CTNNA2: variants seen among roughly 807,000 people sequenced by gnomAD.
CTNNA2 encodes the protein catenin alpha-2.
CTNNA2 carries 42 observed loss-of-function variants against 101.0 expected under a neutral mutation model. That is an observed-to-expected ratio of 0.42 (90% CI 0.32 to 0.54). CTNNA2 has a LOEUF of 0.54. Ranked by LOEUF, CTNNA2 falls within the 20% of genes least tolerant of loss-of-function variation. CTNNA2 has a pLI of 0.14. For missense variants in CTNNA2, 871 were observed against 1,223.1 expected (o/e 0.71, Z 4.29); for synonymous variants, 450 against 456.4 (o/e 0.99, Z 0.18).
chr2:80,151,163 G>A, intron 7 of CTNNA2, among the ~76,000 whole-genome samples: 1 of 152,206 alleles, frequency 6.6e-6, no homozygotes, highest in Non-Finnish European at 1.5e-5. Flanking sequence ...AAGCAGCTCA[G>A]AAGCCTATGT....
intron 7 of CTNNA2, among the ~76,000 whole-genome samples, chr2:79,937,259 T>A (rs1383092767): frequency 1.3e-5 from 2 of 152,230 alleles, no homozygotes; most frequent in Non-Finnish European, 2.9e-5. Flanking sequence ...TTTTCTGGCC[T>A]GGCTGGAAGA....
At chr2:80,163,246 A>AT (rs763841965) in intron 7 of CTNNA2, 1 of 755,254 alleles carries the variant, frequency 1.3e-6, no homozygotes. Flanking sequence ...ATATTGATTG[A>AT]TTTTCCAATA....
intron 9 of CTNNA2, among the ~76,000 whole-genome samples, chr2:80,531,075 G>T (rs566330306): frequency 1.7e-4 from 26 of 152,162 alleles, no homozygotes; most frequent in African/African-American, 6.0e-4. Flanking sequence ...GGTTCTGAGG[G>T]CAGGGAGGGA....
chr2:79,494,660 G>A (rs1558681155), intron 4 of CTNNA2, among the ~76,000 whole-genome samples: 1 of 151,842 alleles, frequency 6.6e-6, no homozygotes, highest in Non-Finnish European at 1.5e-5. Context: ...AAGTCAAAAT[G>A]GATTATAGAT....
chr2:79,541,768 A>G (rs947986763), intron 1 of CTNNA2, among the ~76,000 whole-genome samples: 2 of 151,778 alleles, frequency 1.3e-5, no homozygotes, highest in Non-Finnish European at 2.9e-5. Context: ...CTGGGACTAC[A>G]GGTGTGCGCC....
intron 7 of CTNNA2, among the ~76,000 whole-genome samples, chr2:80,214,049 T>C (rs1708089042): frequency 6.6e-6 from 1 of 152,166 alleles, no homozygotes; most frequent in African/African-American, 2.4e-5. Context: ...CTGCTTGTTT[T>C]TGTTTTCCAT....
Position 80,214,107 on chromosome 2 carries a change from T to C in CTNNA2, c.1057-179104T>C, listed in dbSNP as rs139474577. Among the ~76,000 whole-genome samples the C allele has an allele frequency of 5.3e-3, 801 of 152,292 alleles. 5 individuals are homozygous for C. The highest frequency in any genetic ancestry group is 0.018 in the African/African-American group (743 of 41,572). ...TCCCTTTGTTTTGAGCCTATGTGTC[T>C]CTGCACATGAGATGGGTCTCCTGAA... is the stretch of plus-strand genomic sequence containing the variant. On this transcript the variant is annotated intron_variant, in intron 7 of 18. Transcript: ENST00000402739.
chr2:80,167,506 A>G (rs1294868385), intron 7 of CTNNA2, among the ~76,000 whole-genome samples: 1 of 152,220 alleles, frequency 6.6e-6, no homozygotes, highest in Non-Finnish European at 1.5e-5. Flanking sequence ...TTGAAAAAAG[A>G]TACATCATAC....
chr2:79,372,724 C>T (rs1677900778), intron 3 of CTNNA2, among the ~76,000 whole-genome samples: 1 of 152,082 alleles, frequency 6.6e-6, no homozygotes, highest in Non-Finnish European at 1.5e-5. Flanking sequence ...GGTTAAAAAC[C>T]AGAGATCGAC....
intron 2 of CTNNA2, among the ~76,000 whole-genome samples, chr2:79,205,309 C>T (rs1239295115): frequency 1.3e-5 from 2 of 152,184 alleles, no homozygotes; most frequent in Non-Finnish European, 1.5e-5. Context: ...GAAAAAGCTT[C>T]CAAATGATTC....
chr2:79,425,057 A>AG (rs1422153287), intron 4 of CTNNA2, among the ~76,000 whole-genome samples: 6 of 152,218 alleles, frequency 3.9e-5, no homozygotes, highest in African/African-American at 1.2e-4. Flanking sequence ...TGTTAGACAG[A>AG]GGGGAAAAAG....
intron 4 of CTNNA2, among the ~76,000 whole-genome samples, chr2:79,451,690 C>T (rs946372353): frequency 3.3e-5 from 5 of 151,722 alleles, no homozygotes; most frequent in South Asian, 2.1e-4. Flanking sequence ...GACTCTATCT[C>T]ACTCAAAGAT....
chr2:79,253,224 T>G (rs542780607), intron 2 of CTNNA2, among the ~76,000 whole-genome samples: 1 of 152,328 alleles, frequency 6.6e-6, no homozygotes, highest in Non-Finnish European at 1.5e-5. Flanking sequence ...GATGGGATGC[T>G]TCTGCTCCTG....
At chr2:80,148,492 G>A (rs1486098300) in intron 7 of CTNNA2, among the ~76,000 whole-genome samples, 1 of 152,216 alleles carries the variant, frequency 6.6e-6, no homozygotes, top group Non-Finnish European at 1.5e-5. Context: ...ACTGAGGCAG[G>A]AGCTCATGTG....
Position 80,604,199 on chromosome 2 carries a change from T to G in CTNNA2, c.2295+20T>G, listed in dbSNP as rs1181571954. ...GATCAGGTAATAGAAGAGGGAAGGG[T>G]GGGCACATGCTGAGTGGAGTCACTA... On this transcript the variant is annotated intron_variant, in intron 16 of 18. Coordinates refer to ENST00000402739, the MANE Select transcript of CTNNA2 (RefSeq NM_001282597.3). 7 of 1,593,718 alleles carry G rather than the reference T, an allele frequency of 4.4e-6. No individual in the cohort carries two copies. Among genetic ancestry groups the G allele is most frequent in the Non-Finnish European group, 6.0e-6 (7 of 1,163,352 alleles).
At chr2:80,232,500 C>T (rs750475537) in intron 7 of CTNNA2, among the ~76,000 whole-genome samples, 4 of 151,468 alleles carry the variant, frequency 2.6e-5, no homozygotes, top group Admixed American at 6.6e-5. Context: ...GAGTGGCTGA[C>T]TTAGAGGTAA....
At chr2:79,458,672 T>C (rs1021107365) in intron 4 of CTNNA2, among the ~76,000 whole-genome samples, 3 of 152,182 alleles carry the variant, frequency 2.0e-5, no homozygotes, top group Admixed American at 6.5e-5. Flanking sequence ...TAAAAGTTTA[T>C]TGTATATTTG....
At chr2:80,098,491 T>A (rs1020794947) in intron 7 of CTNNA2, among the ~76,000 whole-genome samples, 1 of 152,182 alleles carries the variant, frequency 6.6e-6, no homozygotes, top group Non-Finnish European at 1.5e-5. Context: ...CGTTCTCGGA[T>A]CTCAAGCTGC....
chr2:79,566,343 AAAAT>A (rs1675111521), intron 1 of CTNNA2, among the ~76,000 whole-genome samples: 1 of 152,214 alleles, frequency 6.6e-6, no homozygotes, highest in Non-Finnish European at 1.5e-5. Context: ...TTGCAGGAGC[AAAAT>A]AAATAAAGGA....
Sources: allele counts gnomAD v4.1 joint callset (sites outside exome capture counted in the v4.1 genomes callset), GRCh38; gene constraint gnomAD v4.1.1; transcripts MANE v1.5; gene names NCBI Gene and HGNC (gene_info 2026-07-23, HGNC 2026-07-21).